Variants in SYNE2 observed in about 807,000 individuals in gnomAD.
SYNE2 encodes the protein nesprin-2.
SYNE2 carries 431 observed loss-of-function variants against 856.3 expected under a neutral mutation model. The ratio of observed to expected loss-of-function variants is 0.50; its 90% CI spans 0.47 to 0.55. The LOEUF (loss-of-function observed/expected upper bound fraction) is 0.55. Ranked by LOEUF, SYNE2 falls within the 20% of genes least tolerant of loss-of-function variation. The pLI, the probability that SYNE2 is intolerant of heterozygous loss-of-function variation, is 0.00. For synonymous variants in SYNE2, 2,923 were observed against 2,872.3 expected (o/e 1.02, Z -0.56); for missense variants, 8,129 against 8,023.2 (o/e 1.01, Z -0.50).
At chr14:64,043,682 G>T (rs1251275071) in intron 45 of SYNE2, among the ~76,000 whole-genome samples, 1 of 152,224 alleles carries the variant, frequency 6.6e-6, no homozygotes, top group East Asian at 1.9e-4. Context: ...TGTTGAGCCT[G>T]TGGGTACACA....
At position 64,225,387 on chromosome 14, in the gene SYNE2, A is replaced by AGCTGCTCCTCCTGCTGCT. The variant is rs750984033; in HGVS notation, c.20595_20612dup (p.Leu6866_Leu6871dup). 7 of 1,614,116 alleles carry AGCTGCTCCTCCTGCTGCT rather than the reference A, an allele frequency of 4.3e-6. No homozygotes were observed. Among genetic ancestry groups the AGCTGCTCCTCCTGCTGCT allele is most frequent in the East Asian group, 2.2e-5 (1 of 44,886 alleles). On this transcript the variant is annotated inframe_insertion, in exon 116 of 116. Transcript: ENST00000555002. Reference sequence around the variant, plus strand: ...GTGGTCCGGGCAGCCCTACCCCTGCAGCTGCTCCTCCTGCTGCTGCTGCTC... The same window carrying AGCTGCTCCTCCTGCTGCT: ...GTGGTCCGGGCAGCCCTACCCCTGCAGCTGCTCCTCCTGCTGCTGCTGCTCCTCCTGCTGCTGCTGCTC...
chr14:63,786,704 T>C (rs762905021), intron 1 of SYNE2, among the ~76,000 whole-genome samples: 3 of 152,194 alleles, frequency 2.0e-5, no homozygotes, highest in African/African-American at 7.2e-5. Flanking sequence ...GCTATGATTA[T>C]CTTCTTATCC....
intron 32 of SYNE2, among the ~76,000 whole-genome samples, chr14:64,011,672 T>C (rs1195477706): frequency 2.0e-5 from 3 of 152,216 alleles, no homozygotes; most frequent in Non-Finnish European, 2.9e-5. Context: ...TCCTCACTTC[T>C]GGCACCTTTC....
At position 64,137,942 on chromosome 14, in the gene SYNE2, T is replaced by G; in HGVS notation, c.14802T>G (p.His4934Gln). The G allele has an allele frequency of 6.2e-7, 1 of 1,614,114 alleles. No homozygotes were observed. The highest frequency in any genetic ancestry group is 8.5e-7 in the Non-Finnish European group (1 of 1,179,998). Residue 4934 changes from histidine (H) to glutamine (Q), a missense_variant, in exon 79 of 116, where the codon CAT becomes CAG. By Grantham distance (24) the His-to-Gln change is conservative (BLOSUM62 0). This residue lies in a region of SYNE2 where 5,410 missense variants were observed against 5,284.8 expected (regional missense o/e 1.02). Transcript: ENST00000555002. ...QWLSLNKKID[H>Q]ELHRLQALLK... ...TGTCCCTGAACAAGAAAATTGACCA[T>G]GAGCTCCACAGGCTGCAAGCTCTTC...
intron 1 of SYNE2, among the ~76,000 whole-genome samples, chr14:63,807,249 G>C (rs1380623425): frequency 1.3e-5 from 2 of 151,972 alleles, no homozygotes; most frequent in Admixed American, 6.6e-5. Context: ...GGCTGAGGCA[G>C]GTAGATAGAT....
intron 8 of SYNE2, among the ~76,000 whole-genome samples, chr14:63,960,081 G>T (rs530434939): frequency 1.3e-5 from 2 of 152,228 alleles, no homozygotes. Context: ...TAATCTTCAC[G>T]TGTGGCTTCG....
intron 89 of SYNE2, among the ~76,000 whole-genome samples, chr14:64,164,087 C>CTTATTTATTTATTTATTTAT (rs59794233): frequency 5.1e-5 from 7 of 137,838 alleles, no homozygotes; most frequent in East Asian, 2.1e-4. Flanking sequence ...GCCTGGCTTG[C>CTTATTTATTTATTTATTTAT]TTATTTATTT....
At position 64,209,598 on chromosome 14, in the gene SYNE2, C is replaced by G; in HGVS notation, c.18540+20C>G. On this transcript the variant is annotated intron_variant, in intron 102 of 115. Transcript: ENST00000555002. ...TTTGAGGTAAACACCTTCTCCATCC[C>G]GGTCTCCTGATCATAACCAAGCCTG... is the stretch of plus-strand genomic sequence containing the variant. 4.3e-6 allele frequency: 7 copies of G among 1,613,340 alleles called. No individual in the cohort carries two copies. Among genetic ancestry groups the G allele is most frequent in the Non-Finnish European group, 5.9e-6 (7 of 1,179,910 alleles).
intron 84 of SYNE2, among the ~76,000 whole-genome samples, chr14:64,150,007 CTTTTTTTTTTTTTTT>C (rs755126549): frequency 1.1e-5 from 1 of 94,418 alleles, no homozygotes; most frequent in Non-Finnish European, 2.0e-5. Context: ...TTTTTCTTTT[CTTTTTTTTTTTTTTT>C]TTTTTTTGAT....
intron 1 of SYNE2, among the ~76,000 whole-genome samples, chr14:63,860,806 A>G (rs1893360023): frequency 6.6e-6 from 1 of 152,180 alleles, no homozygotes; most frequent in Admixed American, 6.5e-5. Context: ...GTCTCTTGCC[A>G]CTTGTAAGCT....
chr14:63,922,299 C>G (rs748745111), intron 2 of SYNE2, among the ~76,000 whole-genome samples: 4 of 152,204 alleles, frequency 2.6e-5, no homozygotes, highest in Non-Finnish European at 5.9e-5. Flanking sequence ...GCCCCCAGAC[C>G]CAGCTTAGAT....
intron 1 of SYNE2, among the ~76,000 whole-genome samples, chr14:63,825,225 G>A (rs1255767557): frequency 3.9e-5 from 6 of 152,098 alleles, no homozygotes; most frequent in Admixed American, 3.3e-4. Context: ...AACAAAGCAA[G>A]GAGGTATATT....
At chr14:64,123,830 G>A (rs10137426) in intron 70 of SYNE2, among the ~76,000 whole-genome samples, 35,463 of 151,682 alleles carry the variant, frequency 0.23, 6,979 homozygotes, top group African/African-American at 0.54. Flanking sequence ...GCCCTGTAGC[G>A]TGAATGTTGT....
chr14:64,002,661 C>G (rs891531487), intron 29 of SYNE2, 59 bp from the exon 30 acceptor site: 4 of 1,579,112 alleles, frequency 2.5e-6, no homozygotes, highest in Non-Finnish European at 3.4e-6. Context: ...GCTAGTTTCT[C>G]ACATGTAGCC....
chr14:64,073,598 A>G (rs911546402), intron 52 of SYNE2, among the ~76,000 whole-genome samples: 1 of 152,232 alleles, frequency 6.6e-6, no homozygotes, highest in Non-Finnish European at 1.5e-5. Context: ...TAAGAGAAGA[A>G]GCCCAGTGGG....
intron 107 of SYNE2, chr14:64,215,729 A>C: frequency 1.1e-5 from 4 of 353,882 alleles, no homozygotes; most frequent in African/African-American, 2.1e-5. Context: ...CCCTGGTGGA[A>C]AGGGGTGGGG....
In SYNE2 at chr14:63,995,195, A is replaced by G. The variant is rs769589509; in HGVS notation, c.2933A>G (p.Glu978Gly). 1.5e-5 allele frequency: 24 copies of G among 1,606,418 alleles called. No individual in the cohort carries two copies. The South Asian group carries it at 2.7e-4, about 18-fold the overall frequency. The change falls in exon 23 of 116, where the codon GAA (glutamate) becomes GGA (glycine). Residue 978 changes from glutamate to glycine, a missense_variant. Around this residue, in one of 3 missense-constraint regions of SYNE2, gnomAD observed 2,422 missense variants for 2,357.4 expected, o/e 1.03. Transcript: ENST00000555002. ...GGAAGGACCAAGGGTCTCATCAAAG[A>G]ACATGAGGTACAATAAAGTGTTTCC... ...RRGRTKGLIK[E>G]HEACFSEEGC... is the part of the protein sequence containing the mutation.
intron 85 of SYNE2, among the ~76,000 whole-genome samples, chr14:64,158,021 C>T (rs1449341606): frequency 6.6e-6 from 1 of 152,058 alleles, no homozygotes; most frequent in Non-Finnish European, 1.5e-5. Context: ...GGACTTTTTT[C>T]ATCATTATCA....
intron 22 of SYNE2, 129 bp from the exon 23 acceptor site, chr14:63,994,915 A>T (rs2096700970): frequency 5.2e-5 from 30 of 577,598 alleles, no homozygotes; most frequent in Middle Eastern, 9.9e-4. Flanking sequence ...AAATACATGG[A>T]TGAATCAGAA....
Sources: gnomAD v4.1 joint callset for allele counts (sites outside exome capture counted in the v4.1 genomes callset) on GRCh38, gnomAD v4.1.1 for gene constraint, gnomAD v4.1.1 regional missense constraint, MANE v1.5 for transcripts, NCBI Gene and HGNC (gene_info 2026-07-23, HGNC 2026-07-21) for gene names.